Variants in ZNF577 observed in about 807,000 individuals in gnomAD.
The protein encoded by ZNF577 is zinc finger protein 577.
In ZNF577, 14 loss-of-function variants were observed where a neutral mutation model predicts 13.9. That is an observed-to-expected ratio of 1.00 (90% confidence interval 0.66 to 1.57). ZNF577 has a LOEUF of 1.57. Ranked by LOEUF, ZNF577 falls within the 40% of genes most tolerant of loss-of-function variation. The pLI is 0.00. For missense variants in ZNF577, 555 were observed against 579.2 expected, an observed-to-expected ratio of 0.96 and a Z score of 0.43; for synonymous variants, 203 against 202.9, an observed-to-expected ratio of 1.00 and a Z score of 0.00.
intron 5 of ZNF577, among the ~76,000 whole-genome samples, chr19:51,856,692 A>AT (rs1157973218): frequency 1.3e-5 from 2 of 151,954 alleles, no homozygotes; most frequent in African/African-American, 4.8e-5. Context: ...GTAATTTTGG[A>AT]TTTTTTTTCA....
intron 9 of ZNF577, among the ~76,000 whole-genome samples, chr19:51,813,945 G>A (rs1267312838): frequency 6.6e-6 from 1 of 152,132 alleles, no homozygotes; most frequent in Non-Finnish European, 1.5e-5. Flanking sequence ...CCAGAACAGT[G>A]GCAGCCATTC....
intron 9 of ZNF577, among the ~76,000 whole-genome samples, chr19:51,836,085 T>C (rs991084460): frequency 1.3e-5 from 2 of 152,228 alleles, no homozygotes; most frequent in Admixed American, 1.3e-4. Context: ...TTTTCTCACA[T>C]TGATGTCATG....
Position 51,872,944 on chromosome 19 carries a change from G to A in ZNF577, c.1046C>T (p.Thr349Ile), listed in dbSNP as rs370208860. Residue 349 changes from threonine to isoleucine, a missense_variant, in exon 6 of 6, where the codon ACT becomes ATT. Physicochemically the swap from Thr to Ile is moderately conservative, Grantham distance 89 (BLOSUM62 -1). Coordinates refer to ENST00000638348, the MANE Select transcript of ZNF577 (RefSeq NM_001370449.1). ...TCTGCATGAATATGGTCTCTCTCCA[G>A]TGTGAGTACGCTGATGCTGAATGAG... is the stretch of plus-strand genomic sequence containing the variant. ...SKLIQHQRTH[T>I]GERPYSCREC... 1 of 1,614,198 alleles carries A rather than the reference G, an allele frequency of 6.2e-7. No individual in the cohort carries two copies. The highest frequency in any genetic ancestry group is 2.2e-5 in the East Asian group (1 of 44,882).
rs2084968426 is a variant in ZNF577, at chr19:51,887,555, C to T, written c.-953G>A. The T allele has an allele frequency of 6.6e-6, 1 of 152,182 alleles. No homozygotes were observed. The highest frequency in any genetic ancestry group is 1.5e-5 in the Non-Finnish European group (1 of 68,066). 9.4% of individuals were successfully genotyped at this position (152,182 alleles called of 1,614,324 possible). ...AAGTACGCATGTGATAAGCAATGAA[C>T]ACGAACTGCCCAGAGCAGTCTCCAA... On this transcript the variant is annotated 5_prime_UTR_variant, in exon 1 of 6. Coordinates refer to ENST00000638348, the MANE Select transcript of ZNF577 (RefSeq NM_001370449.1).
intron 5 of ZNF577, chr19:51,860,783 T>C: frequency 6.9e-6 from 2 of 289,480 alleles, no homozygotes; most frequent in Middle Eastern, 1.1e-3. Context: ...GAGTTTGCTA[T>C]AACAAGAAAG....
chr19:51,858,852 A>G (rs79342404), intron 5 of ZNF577, among the ~76,000 whole-genome samples: 7,415 of 152,278 alleles, frequency 0.049, 389 homozygotes, highest in South Asian at 0.25. Context: ...TCATGTAAAA[A>G]TTCAAATATT....
At chr19:51,816,654 C>G (rs1183708166) in intron 9 of ZNF577, among the ~76,000 whole-genome samples, 4 of 152,144 alleles carry the variant, frequency 2.6e-5, no homozygotes, top group Non-Finnish European at 4.4e-5. Context: ...TCACAGGAAC[C>G]CCTGATTTAT....
At chr19:51,879,438 A>G (rs977440189) in intron 3 of ZNF577, among the ~76,000 whole-genome samples, 6 of 150,116 alleles carry the variant, frequency 4.0e-5, no homozygotes, top group African/African-American at 9.8e-5. Context: ...GTGTGGTGGC[A>G]CGCACCTGTA....
At chr19:51,822,771 G>A (rs1258391966) in intron 9 of ZNF577, among the ~76,000 whole-genome samples, 1 of 152,144 alleles carries the variant, frequency 6.6e-6, no homozygotes, top group African/African-American at 2.4e-5. Context: ...TGCTAAGTAG[G>A]GACAATGAAA....
chr19:51,857,788 A>G (rs2084453264), intron 5 of ZNF577, among the ~76,000 whole-genome samples: 1 of 152,184 alleles, frequency 6.6e-6, no homozygotes, highest in Non-Finnish European at 1.5e-5. Flanking sequence ...GCACACACAC[A>G]AAACTCTAAG....
chr19:51,829,949 C>T (rs936714402), intron 9 of ZNF577, among the ~76,000 whole-genome samples: 1 of 152,134 alleles, frequency 6.6e-6, no homozygotes, highest in African/African-American at 2.4e-5. Flanking sequence ...AGCTCACCCC[C>T]AGATGTTTTT....
intron 5 of ZNF577, among the ~76,000 whole-genome samples, chr19:51,858,616 G>A (rs1337171717): frequency 2.0e-5 from 3 of 152,118 alleles, no homozygotes; most frequent in Non-Finnish European, 4.4e-5. Flanking sequence ...GATTTTGCTG[G>A]TACATTTTTA....
chr19:51,880,974 A>G (rs2084853181), intron 1 of ZNF577, 97 bp from the exon 2 acceptor site: 1 of 152,908 alleles, frequency 6.5e-6, no homozygotes, highest in South Asian at 2.1e-4. Context: ...TCAGGTTCCA[A>G]TATTTCATCT....
At chr19:51,854,980 G>A (rs975848770) in intron 5 of ZNF577, among the ~76,000 whole-genome samples, 1 of 151,958 alleles carries the variant, frequency 6.6e-6, no homozygotes, top group African/African-American at 2.4e-5. Context: ...TTTATACATG[G>A]TTTACTTCAG....
chr19:51,836,119 C>A (rs2084286185), intron 9 of ZNF577, among the ~76,000 whole-genome samples: 1 of 152,094 alleles, frequency 6.6e-6, no homozygotes, highest in South Asian at 2.1e-4. Context: ...GAAAAAAATA[C>A]CTAGTTCTTG....
In ZNF577 at chr19:51,873,247, C is replaced by A; in HGVS notation, c.743G>T (p.Gly248Val). ...GEKPYRCSKC[G>V]KAFSRKCRLN... Reference sequence around the variant, plus strand: ...CCGGCACTTCCGGCTGAAGGCTTTTCCGCATTTGCTGCATCTGTAGGGTTT... The same window carrying A: ...CCGGCACTTCCGGCTGAAGGCTTTTACGCATTTGCTGCATCTGTAGGGTTT... Residue 248 changes from glycine (G) to valine (V), a missense_variant, in exon 6 of 6, where the codon GGA (glycine) becomes GTA (valine). Physicochemically the swap from Gly to Val is moderately radical, Grantham distance 109. Transcript: ENST00000638348. The A allele has an allele frequency of 6.2e-7, 1 of 1,613,064 alleles. No homozygotes were observed. Among genetic ancestry groups the A allele is most frequent in the Non-Finnish European group, 8.5e-7 (1 of 1,179,138 alleles).
intron 9 of ZNF577, chr19:51,817,919 G>C (rs1359388486): frequency 6.6e-6 from 1 of 152,044 alleles, no homozygotes; most frequent in Non-Finnish European, 1.5e-5. Context: ...GAGCAGGGCT[G>C]TGCGATGAAG....
At chr19:51,854,631 G>A (rs912554418) in intron 5 of ZNF577, among the ~76,000 whole-genome samples, 7 of 151,590 alleles carry the variant, frequency 4.6e-5, no homozygotes, top group Admixed American at 1.3e-4. Context: ...ACTGTGCCCA[G>A]CCTATTTGGA....
chr19:51,821,084 G>T (rs1425377160), intron 9 of ZNF577, among the ~76,000 whole-genome samples: 2 of 152,200 alleles, frequency 1.3e-5, no homozygotes, highest in East Asian at 3.8e-4. Flanking sequence ...GTGAGGACCA[G>T]AAGTTCCCAT....
Sources: gnomAD v4.1 joint callset for allele counts (sites outside exome capture counted in the v4.1 genomes callset) on GRCh38, gnomAD v4.1.1 for gene constraint, MANE v1.5 for transcripts, NCBI Gene and HGNC (gene_info 2026-07-23, HGNC 2026-07-21) for gene names.